Variants in SLC13A1 observed in about 807,000 individuals in gnomAD.
SLC13A1 encodes Na(+)/sulfate cotransporter.
A neutral mutation model predicts 70.0 loss-of-function variants in SLC13A1; 65 were observed. The ratio of observed to expected loss-of-function variants is 0.93; its 90% CI spans 0.76 to 1.14. The LOEUF (loss-of-function observed/expected upper bound fraction) is 1.14, where lower values mean the gene tolerates loss of function less well. Ranked by LOEUF, SLC13A1 falls within the 50% of genes most tolerant of loss-of-function variation. The pLI is 0.00. For missense variants in SLC13A1, 726 were observed against 717.8 expected, an observed-to-expected ratio of 1.01 and a Z score of -0.13; for synonymous variants, 275 against 250.5, an observed-to-expected ratio of 1.10 and a Z score of -0.92.
chr7:123,197,512 AT>A (rs1277083067), intron 1 of SLC13A1, among the ~76,000 whole-genome samples: 5 of 152,160 alleles, frequency 3.3e-5, no homozygotes, highest in African/African-American at 9.7e-5. Context: ...CTTTAAAAAA[AT>A]AATTTGCTTT....
intron 1 of SLC13A1, among the ~76,000 whole-genome samples, chr7:123,184,356 C>T (rs1266415223): frequency 1.3e-5 from 2 of 152,022 alleles, no homozygotes; most frequent in Non-Finnish European, 1.5e-5. Context: ...CCATGTTGTA[C>T]AATAAATCTC....
chr7:123,148,403 T>C (rs1794436934), intron 6 of SLC13A1: 1 of 426,880 alleles, frequency 2.3e-6, no homozygotes, highest in South Asian at 1.7e-5. Flanking sequence ...CCCATAGTTA[T>C]ACCTTGGACA....
At chr7:123,194,314 G>C (rs1434404403) in intron 1 of SLC13A1, among the ~76,000 whole-genome samples, 2 of 152,036 alleles carry the variant, frequency 1.3e-5, no homozygotes, top group African/African-American at 4.8e-5. Flanking sequence ...AAGGCAGAGA[G>C]ACAAGAATAA....
chr7:123,175,727 G>A (rs1358652882), intron 2 of SLC13A1, among the ~76,000 whole-genome samples: 2 of 152,100 alleles, frequency 1.3e-5, no homozygotes, highest in African/African-American at 4.8e-5. Context: ...GTATTTTGTT[G>A]TAGTAATCTG....
chr7:123,191,262 G>A lies in SLC13A1; in HGVS notation c.99+8586C>T, dbSNP rs116420706. On this transcript the variant is annotated intron_variant, in intron 1 of 14. Transcript: ENST00000194130. ...GGTGAGGTCTTGGCTGGGGAGCTGG[G>A]CAGTGTTTGCTTCCTGTGAGCCATC... 2.2e-3 allele frequency among the ~76,000 whole-genome samples: 329 copies of A among 152,246 alleles called. 3 individuals carry two copies. Among genetic ancestry groups the A allele is most frequent in the African/African-American group, 7.4e-3 (308 of 41,552 alleles).
intron 1 of SLC13A1, among the ~76,000 whole-genome samples, chr7:123,196,421 T>A (rs1015826526): frequency 2.0e-5 from 3 of 152,102 alleles, no homozygotes; most frequent in Admixed American, 2.0e-4. Context: ...AAGACACAGA[T>A]ACTCAGTTGT....
intron 7 of SLC13A1, among the ~76,000 whole-genome samples, chr7:123,137,529 G>A (rs939051242): frequency 1.3e-5 from 2 of 152,176 alleles, no homozygotes; most frequent in African/African-American, 2.4e-5. Context: ...TGTAGCAAGG[G>A]CCTGAAGGCA....
intron 1 of SLC13A1, among the ~76,000 whole-genome samples, chr7:123,195,885 G>A (rs1348035959): frequency 6.6e-6 from 1 of 151,874 alleles, no homozygotes; most frequent in Non-Finnish European, 1.5e-5. Context: ...AGATAGAATA[G>A]GTATACCTGG....
At chr7:123,131,070 G>A (rs751494692) in intron 8 of SLC13A1, among the ~76,000 whole-genome samples, 5 of 152,164 alleles carry the variant, frequency 3.3e-5, no homozygotes, top group Non-Finnish European at 7.3e-5. Context: ...TGTAAGTATA[G>A]ACAGAAAGGA....
chr7:123,131,619 A>G lies in SLC13A1; in HGVS notation c.933-2138T>C, dbSNP rs755287832. On this transcript the variant is annotated intron_variant, in intron 8 of 14. Coordinates refer to ENST00000194130, the MANE Select transcript of SLC13A1 (RefSeq NM_022444.4). ...AGTTAACTGTGTTAATACCCAACAT[A>G]CTAATCAGAATGTATGCTAGTTTGC... Among the ~76,000 whole-genome samples the G allele has an allele frequency of 5.9e-5, 9 of 152,224 alleles. No homozygotes were observed. The East Asian group carries it at 1.5e-3, about 26-fold the overall frequency.
chr7:123,180,287 C>A (rs1464418342), intron 2 of SLC13A1, among the ~76,000 whole-genome samples: 3 of 152,218 alleles, frequency 2.0e-5, no homozygotes, highest in Middle Eastern at 6.8e-3. Flanking sequence ...CAATGTTAGA[C>A]CCAGGCAGAA....
At chr7:123,138,827 A>G (rs1218784711) in intron 7 of SLC13A1, among the ~76,000 whole-genome samples, 1 of 152,136 alleles carries the variant, frequency 6.6e-6, no homozygotes, top group Non-Finnish European at 1.5e-5. Context: ...ACTTCGTTAG[A>G]TGGAAAACTT....
At chr7:123,125,926 A>G (rs1254022410) in intron 10 of SLC13A1, among the ~76,000 whole-genome samples, 1 of 152,216 alleles carries the variant, frequency 6.6e-6, no homozygotes, top group East Asian at 1.9e-4. Context: ...CCACGTATAC[A>G]CATGCTGACA....
chr7:123,183,861 C>G (rs1795714212), intron 1 of SLC13A1, among the ~76,000 whole-genome samples: 1 of 152,142 alleles, frequency 6.6e-6, no homozygotes, highest in Admixed American at 6.6e-5. Context: ...GATTCATAAC[C>G]CATTTGTAAA....
intron 8 of SLC13A1, among the ~76,000 whole-genome samples, chr7:123,130,753 T>A (rs969583835): frequency 6.6e-6 from 1 of 152,090 alleles, no homozygotes; most frequent in Non-Finnish European, 1.5e-5. Flanking sequence ...CTCTATTACA[T>A]TTTTTTCTTT....
intron 7 of SLC13A1, among the ~76,000 whole-genome samples, chr7:123,141,765 C>A (rs1403010321): frequency 6.6e-6 from 1 of 151,964 alleles, no homozygotes; most frequent in Non-Finnish European, 1.5e-5. Flanking sequence ...TTTTTGGTTT[C>A]CATTGGCATG....
At chr7:123,144,960 C>T (rs953397245) in intron 7 of SLC13A1, among the ~76,000 whole-genome samples, 16 of 152,030 alleles carry the variant, frequency 1.1e-4, no homozygotes, top group African/African-American at 3.9e-4. Context: ...AATTGCACAC[C>T]AATTATAGAC....
In SLC13A1 at chr7:123,123,156, A is replaced by G. The variant is rs780260361; in HGVS notation, c.1320T>C (p.Gly440=). Residue 440 remains glycine, a synonymous_variant, in exon 12 of 15, where the codon GGT becomes GGC. Coordinates refer to ENST00000194130, the MANE Select transcript of SLC13A1 (RefSeq NM_022444.4). ...FMPWDIAILV[G]GGFALADGCE... ...AACCATCTGCCAGGGCAAACCCTCC[A>G]CCAACAAGAATGGCTATATCCCAGG... 3.7e-6 allele frequency: 6 copies of G among 1,613,438 alleles called. No homozygotes were observed. The highest frequency in any genetic ancestry group is 5.1e-6 in the Non-Finnish European group (6 of 1,179,448).
At position 123,188,611 on chromosome 7, in the gene SLC13A1, A is replaced by AT. The variant is rs1482927127; in HGVS notation, c.100-7511dup. Among the ~76,000 whole-genome samples the AT allele has an allele frequency of 4.0e-5, 6 of 151,428 alleles. No individual in the cohort carries two copies. In the East Asian group the frequency reaches 9.7e-4, roughly 24 times the overall value. ...TTCTTTTTCATTTTTCTGTTGGGTT[A>AT]TTTTTTCTTTTATCTCATGGATTTG... On this transcript the variant is annotated intron_variant, in intron 1 of 14. Transcript: ENST00000194130.
Sources: gnomAD v4.1 joint callset for allele counts (sites outside exome capture counted in the v4.1 genomes callset) on GRCh38, gnomAD v4.1.1 for gene constraint, MANE v1.5 for transcripts, NCBI Gene and HGNC (gene_info 2026-07-23, HGNC 2026-07-21) for gene names.